The following EPB41 variants were observed in gnomAD, a reference collection of about 807,000 sequenced individuals.
EPB41 encodes protein 4.1.
EPB41 carries 65 observed loss-of-function variants against 108.0 expected under a neutral mutation model. The ratio of observed to expected loss-of-function variants is 0.60; its 90% confidence interval spans 0.49 to 0.74. The LOEUF (loss-of-function observed/expected upper bound fraction) is 0.74. Among genes scored for constraint, EPB41 ranks in the 30% least tolerant of loss-of-function variants. The probability of loss-of-function intolerance (pLI) is 0.00; values close to 1 mark genes in which losing one functional copy is unlikely to be tolerated. For synonymous variants in EPB41, 336 were observed against 358.9 expected, an observed-to-expected ratio of 0.94 and a Z score of 0.72; for missense variants, 875 against 1,037.0, an observed-to-expected ratio of 0.84 and a Z score of 2.15.
chr1:29,039,035 T>A (rs1278552393), intron 10 of EPB41, among the ~76,000 whole-genome samples: 1 of 152,170 alleles, frequency 6.6e-6, no homozygotes, highest in African/African-American at 2.4e-5. Context: ...AGGCCCTTTC[T>A]ATAGAGCTAT....
At chr1:28,980,751 T>G (rs1405730385) in intron 1 of EPB41, among the ~76,000 whole-genome samples, 2 of 151,974 alleles carry the variant, frequency 1.3e-5, no homozygotes, top group Non-Finnish European at 2.9e-5. Context: ...AAGTGTATTA[T>G]TTGCCTGCAT....
In EPB41 at chr1:29,115,506, T is replaced by A. The variant is rs1467153509; in HGVS notation, c.2497-193T>A. The stretch of plus-strand genomic sequence containing the variant: ...AGCGCTAACCTTCCCTGTCCCTGTG[T>A]TATCAGTCCAGAAGCCTCCCTATGC... On this transcript the variant is annotated intron_variant, in intron 19 of 20. Coordinates refer to ENST00000343067, the MANE Select transcript of EPB41 (RefSeq NM_001376013.1). The surrounding 1 kb of genome is among the most constrained non-coding windows in gnomAD (Gnocchi z 4.4). Among the ~76,000 whole-genome samples, 1 of 152,234 alleles carries A rather than the reference T, an allele frequency of 6.6e-6. No individual in the cohort carries two copies. Among genetic ancestry groups the A allele is most frequent in the Non-Finnish European group, 1.5e-5 (1 of 68,038 alleles).
chr1:28,931,259 G>A (rs1307897395), intron 1 of EPB41, among the ~76,000 whole-genome samples: 8 of 151,164 alleles, frequency 5.3e-5, no homozygotes, highest in South Asian at 4.2e-4. Context: ...TTAATGGGAC[G>A]TGGTGGCATG....
intron 4 of EPB41, among the ~76,000 whole-genome samples, chr1:28,998,187 G>A (rs2096226400): frequency 6.6e-6 from 1 of 152,154 alleles, no homozygotes; most frequent in Non-Finnish European, 1.5e-5. Flanking sequence ...GTCTCCTCTG[G>A]GGAGGTGATG....
Position 28,993,445 on chromosome 1 carries a change from C to T in EPB41, c.584C>T (p.Thr195Ile), listed in dbSNP as rs777346153. 3 of 1,613,802 alleles carry T rather than the reference C, an allele frequency of 1.9e-6. No homozygotes were observed. Among genetic ancestry groups the T allele is most frequent in the Non-Finnish European group, 2.5e-6 (3 of 1,179,970 alleles). Residue 195 changes from threonine to isoleucine, a missense_variant, in exon 3 of 21, where the codon ACA (threonine) becomes ATA (isoleucine). Coordinates refer to ENST00000343067, the MANE Select transcript of EPB41 (RefSeq NM_001376013.1). ...GAAAGCCCTCAATCAAAAGCAGAAA[C>T]AGAATTAAAAGCTTCCCAAAAACCA... ...KEESPQSKAE[T>I]ELKASQKPIR...
intron 2 of EPB41, among the ~76,000 whole-genome samples, chr1:28,992,400 G>A (rs187434510): frequency 1.3e-5 from 2 of 151,848 alleles, no homozygotes; most frequent in Non-Finnish European, 2.9e-5. Flanking sequence ...AAGTAAAAAT[G>A]TATGCCGGCC....
intron 1 of EPB41, among the ~76,000 whole-genome samples, chr1:28,923,622 T>G (rs150219958): frequency 5.3e-4 from 80 of 152,318 alleles, no homozygotes; most frequent in African/African-American, 1.7e-3. Context: ...TTTTGTTGAC[T>G]TATCCTTGCT....
chr1:28,909,697 G>T (rs565920817), upstream of EPB41, among the ~76,000 whole-genome samples: 86 of 152,184 alleles, frequency 5.7e-4, 1 homozygote, highest in Middle Eastern at 6.8e-3. Context: ...CTACTCAGGA[G>T]GCTGAGGAGG....
rs957128141 is a variant in EPB41, at chr1:28,993,482, C to T, written c.621C>T (p.His207=). 24 of 1,613,874 alleles carry T rather than the reference C, an allele frequency of 1.5e-5. No homozygotes were observed. The highest frequency in any genetic ancestry group is 1.9e-5 in the Non-Finnish European group (23 of 1,180,010). Residue 207 remains histidine (H), a synonymous_variant, in exon 3 of 21, where the codon CAC becomes CAT. Transcript: ENST00000343067. ...LKASQKPIRK[H]RNMHCKVSLL... is the part of the protein sequence containing the mutation. ...CTTCCCAAAAACCAATCAGAAAACA[C>T]AGGAACATGCACTGCAAGGTTTCTT...
At chr1:29,047,725 A>G (rs1643710138) in intron 11 of EPB41, among the ~76,000 whole-genome samples, 1 of 151,838 alleles carries the variant, frequency 6.6e-6, no homozygotes, top group African/African-American at 2.4e-5. Flanking sequence ...AGGTATATTG[A>G]TTTTATTAAT....
At chr1:28,973,468 G>A (rs1328749459) in intron 1 of EPB41, among the ~76,000 whole-genome samples, 1 of 151,958 alleles carries the variant, frequency 6.6e-6, no homozygotes, top group African/African-American at 2.4e-5. Flanking sequence ...TAGCTCACTG[G>A]AGCCTCAAAT....
intron 16 of EPB41, among the ~76,000 whole-genome samples, chr1:29,093,206 C>A (rs931068054): frequency 6.6e-6 from 1 of 152,192 alleles, no homozygotes; most frequent in African/African-American, 2.4e-5. Flanking sequence ...GCAACCTCAC[C>A]AGCATCTGTT....
In EPB41 at chr1:29,051,246, C is replaced by G. The variant is rs1036900802; in HGVS notation, c.1637-1858C>G. On this transcript the variant is annotated intron_variant, in intron 11 of 20. Transcript: ENST00000343067. Reference sequence around the variant, plus strand: ...CCCGAGTAGCTATGACTACAGGCGCCCACCACCACACTTGGCTAATTTTTG... The same window carrying G: ...CCCGAGTAGCTATGACTACAGGCGCGCACCACCACACTTGGCTAATTTTTG... Among the ~76,000 whole-genome samples the G allele has an allele frequency of 3.3e-5, 5 of 151,414 alleles. No homozygotes were observed. In the East Asian group the frequency reaches 9.9e-4, roughly 30 times the overall value.
At chr1:29,087,790 A>C (rs1311827354) in intron 16 of EPB41, among the ~76,000 whole-genome samples, 1 of 152,190 alleles carries the variant, frequency 6.6e-6, no homozygotes, top group Non-Finnish European at 1.5e-5. Context: ...ATAGTTTTTG[A>C]GAGAAAGCCT....
At chr1:29,003,555 G>C (rs2985328) in intron 4 of EPB41, among the ~76,000 whole-genome samples, 67,746 of 152,008 alleles carry the variant, frequency 0.45, 17,679 homozygotes, top group East Asian at 0.85. Flanking sequence ...ACTGTTTTCT[G>C]TTCTTTCCAT....
chr1:28,902,222 G>A (rs1314324592), intron 1 of EPB41: 1 of 985,180 alleles, frequency 1.0e-6, no homozygotes, highest in African/African-American at 1.7e-5. Context: ...ACTTTAGCTG[G>A]GTCAACCCTG....
At chr1:28,945,666 G>A (rs2148865458) in intron 1 of EPB41, among the ~76,000 whole-genome samples, 1 of 152,288 alleles carries the variant, frequency 6.6e-6, no homozygotes, top group South Asian at 2.1e-4. Flanking sequence ...TAGGAAATGG[G>A]CCAAAGTTAA....
chr1:28,914,367 T>C (rs952408994), upstream of EPB41, among the ~76,000 whole-genome samples: 9 of 152,044 alleles, frequency 5.9e-5, no homozygotes, highest in African/African-American at 2.2e-4. Flanking sequence ...CGTTCCCCTC[T>C]CCTCTCCTTA....
intron 18 of EPB41, chr1:29,109,693 GTC>G: frequency 3.9e-6 from 2 of 506,888 alleles, no homozygotes; most frequent in Non-Finnish European, 7.2e-6. Context: ...TTACACATCT[GTC>G]TCTCTGGTCA....
Sources: allele counts gnomAD v4.1 joint callset (sites outside exome capture counted in the v4.1 genomes callset), GRCh38; gene constraint gnomAD v4.1.1; non-coding constraint Gnocchi (gnomAD v3.1); transcripts MANE v1.5; gene names NCBI Gene and HGNC (gene_info 2026-07-23, HGNC 2026-07-21).